Variants in DNAH14 observed in about 807,000 individuals in gnomAD.
The protein encoded by DNAH14 is axonemal beta dynein heavy chain 14.
In DNAH14, 478 loss-of-function variants were observed where a neutral mutation model predicts 520.9. That is an observed-to-expected ratio of 0.92 (90% CI 0.85 to 0.99). DNAH14 has a LOEUF of 0.99. Ranked by LOEUF, DNAH14 falls within the 50% of genes least tolerant of loss-of-function variation. DNAH14 has a pLI of 0.00. For synonymous variants in DNAH14, 1,581 were observed against 1,757.2 expected, an observed-to-expected ratio of 0.90 and a Z score of 2.51; for missense variants, 4,831 against 5,234.5, an observed-to-expected ratio of 0.92 and a Z score of 2.38.
intron 10 of DNAH14, among the ~76,000 whole-genome samples, chr1:225,012,609 G>C (rs1003985752): frequency 1.3e-5 from 2 of 152,056 alleles, no homozygotes; most frequent in South Asian, 2.1e-4. Flanking sequence ...ATCAAACGTA[G>C]GTTTGGTCTT....
chr1:225,013,164 T>G (rs1481995877), intron 10 of DNAH14, among the ~76,000 whole-genome samples: 8 of 152,158 alleles, frequency 5.3e-5, no homozygotes, highest in South Asian at 2.1e-4. Flanking sequence ...TCATTTTTTT[T>G]TTGTTGATGT....
chr1:225,343,012 A>G (rs578061310), intron 69 of DNAH14, among the ~76,000 whole-genome samples: 1 of 152,190 alleles, frequency 6.6e-6, no homozygotes, highest in African/African-American at 2.4e-5. Flanking sequence ...CCTGTCTTGT[A>G]TCAGTGCAAT....
At chr1:224,980,158 A>G (rs1352972533) in intron 8 of DNAH14, among the ~76,000 whole-genome samples, 1 of 152,180 alleles carries the variant, frequency 6.6e-6, no homozygotes, top group Non-Finnish European at 1.5e-5. Flanking sequence ...TATCTTGGCC[A>G]CAGTGGGATG....
At chr1:224,969,071 G>C (rs897322698) in intron 7 of DNAH14, 197 bp downstream of exon 7, 16 of 429,388 alleles carry the variant, frequency 3.7e-5, no homozygotes, top group African/African-American at 6.3e-5. Context: ...CATTTAAGAA[G>C]CATTTTTCCT....
At chr1:225,029,422 G>A (rs181126960) in intron 11 of DNAH14, among the ~76,000 whole-genome samples, 185 of 152,060 alleles carry the variant, frequency 1.2e-3, no homozygotes, top group Non-Finnish European at 2.1e-3. Context: ...AATTTTACTG[G>A]ATATAAATTA....
At chr1:224,966,963 A>G (rs1259493172) in intron 5 of DNAH14, among the ~76,000 whole-genome samples, 1 of 152,232 alleles carries the variant, frequency 6.6e-6, no homozygotes, top group Admixed American at 6.5e-5. Flanking sequence ...AAGATAATGT[A>G]TATGAAAGAG....
chr1:225,019,490 A>G (rs2065482058), intron 10 of DNAH14, among the ~76,000 whole-genome samples: 1 of 152,220 alleles, frequency 6.6e-6, no homozygotes. Context: ...TCAACACCCC[A>G]ATGACAGCAT....
chr1:225,101,326 C>A (rs552190490), intron 23 of DNAH14, among the ~76,000 whole-genome samples: 1 of 151,764 alleles, frequency 6.6e-6, no homozygotes, highest in Non-Finnish European at 1.5e-5. Flanking sequence ...TAAACGTATC[C>A]GTAGCCTCAA....
Position 225,388,438 on chromosome 1 carries a change from A to T in DNAH14, c.13137A>T (p.Arg4379=). Residue 4379 remains arginine (R), a synonymous_variant, in exon 82 of 86, where the codon CGA becomes CGT. Transcript: ENST00000682510. ...CCTGGATTGATGATCTCATCCAGCGACTGAATTTCTTCAATACTTGGGCCA... is the reference window on the plus strand; with the variant it reads ...CCTGGATTGATGATCTCATCCAGCGTCTGAATTTCTTCAATACTTGGGCCA... The part of the protein sequence containing the change: ...LSSWIDDLIQ[R]LNFFNTWAKV... 1 of 1,535,194 alleles carries T rather than the reference A, an allele frequency of 6.5e-7. No individual in the cohort carries two copies.
intron 68 of DNAH14, 79 bp from the exon 69 acceptor site, chr1:225,340,378 T>C: frequency 1.4e-6 from 2 of 1,403,608 alleles, no homozygotes; most frequent in South Asian, 3.0e-5. Context: ...GGAAAAATGC[T>C]TTATGTATTT....
At chr1:225,086,103 G>A (rs1244045048) in intron 21 of DNAH14, among the ~76,000 whole-genome samples, 1 of 151,032 alleles carries the variant, frequency 6.6e-6, no homozygotes, top group Non-Finnish European at 1.5e-5. Context: ...GCAACCCCAC[G>A]TGTGGTAATA....
At position 225,051,749 on chromosome 1, in the gene DNAH14, C is replaced by A. The variant is rs747304651; in HGVS notation, c.2378C>A (p.Thr793Asn). 7 of 1,528,998 alleles carry A rather than the reference C, an allele frequency of 4.6e-6. No homozygotes were observed. In the East Asian group the frequency reaches 7.4e-5, roughly 16 times the overall value. The allele number at this position is 1,528,998 out of a possible 1,614,324, so 94.7% of individuals were successfully genotyped here. The change falls in exon 17 of 86, where the codon ACC becomes AAC. Residue 793 changes from threonine (T) to asparagine (N), a missense_variant. Physicochemically the swap from Thr to Asn is moderately conservative, Grantham distance 65. Coordinates refer to ENST00000682510, the MANE Select transcript of DNAH14 (RefSeq NM_001367479.1). ...GACAACGTCATACATATGAGCCACA[C>A]CCTCATACAATCTGTAATTGAAAAA... ...YIDNVIHMSH[T>N]LIQSVIEKKN...
At chr1:225,182,725 C>A (rs1023708338) in intron 36 of DNAH14, among the ~76,000 whole-genome samples, 5 of 152,236 alleles carry the variant, frequency 3.3e-5, no homozygotes, top group African/African-American at 1.2e-4. Flanking sequence ...CGATAAAAGA[C>A]AACACCAGGC....
intron 36 of DNAH14, among the ~76,000 whole-genome samples, chr1:225,176,109 T>C (rs1468589158): frequency 6.6e-6 from 1 of 152,306 alleles, no homozygotes; most frequent in East Asian, 1.9e-4. Flanking sequence ...CCTTCCTTCC[T>C]TGCTTTTGCT....
intron 8 of DNAH14, among the ~76,000 whole-genome samples, chr1:224,981,126 G>A (rs1276833041): frequency 6.6e-6 from 1 of 152,116 alleles, no homozygotes; most frequent in Non-Finnish European, 1.5e-5. Context: ...CTGCATCCCT[G>A]GTATGAAACC....
At chr1:225,016,454 A>C (rs2065222226) in intron 10 of DNAH14, among the ~76,000 whole-genome samples, 1 of 152,136 alleles carries the variant, frequency 6.6e-6, no homozygotes, top group Non-Finnish European at 1.5e-5. Context: ...GTGACTTGAC[A>C]TTCTTGATAC....
At chr1:225,205,309 T>C (rs1185570740) in intron 39 of DNAH14, among the ~76,000 whole-genome samples, 3 of 151,992 alleles carry the variant, frequency 2.0e-5, no homozygotes, top group African/African-American at 7.3e-5. Flanking sequence ...AAAAAGGAGC[T>C]CAAGAGAAAT....
intron 23 of DNAH14, among the ~76,000 whole-genome samples, chr1:225,101,894 CTT>C (rs58340205): frequency 4.8e-5 from 7 of 144,440 alleles, no homozygotes; most frequent in African/African-American, 1.7e-4. Flanking sequence ...ATTGCTGAAT[CTT>C]TTTTTTTTTT....
At chr1:225,162,719 A>G (rs2081635348) in intron 35 of DNAH14, among the ~76,000 whole-genome samples, 1 of 152,144 alleles carries the variant, frequency 6.6e-6, no homozygotes, top group South Asian at 2.1e-4. Flanking sequence ...AGTGTTTTAT[A>G]GTTTTCATTA....
Sources: allele counts gnomAD v4.1 joint callset (sites outside exome capture counted in the v4.1 genomes callset), GRCh38; gene constraint gnomAD v4.1.1; transcripts MANE v1.5; gene names NCBI Gene and HGNC (gene_info 2026-07-23, HGNC 2026-07-21).